Variants in ITSN1 observed in about 807,000 individuals in gnomAD.
ITSN1 encodes intersectin-1.
ITSN1 carries 58 observed loss-of-function variants against 239.8 expected under a neutral mutation model. The observed-to-expected ratio is 0.24, with a 90% CI of 0.20 to 0.30. The LOEUF (loss-of-function observed/expected upper bound fraction) is 0.30, where lower values mean the gene tolerates loss of function less well. ITSN1 is among the 10% of genes least tolerant of loss of function. ITSN1 has a pLI of 1.00. For missense variants in ITSN1, 1,558 were observed against 2,103.3 expected (o/e 0.74, Z 5.07); for synonymous variants, 780 against 770.8 (o/e 1.01, Z -0.20).
intron 1 of ITSN1, among the ~76,000 whole-genome samples, chr21:33,678,719 G>A (rs1399784213): frequency 1.3e-5 from 2 of 152,150 alleles, no homozygotes; most frequent in African/African-American, 4.8e-5. Flanking sequence ...TGTTGTTTTG[G>A]AGGGGTGGTG....
rs139276079 is a variant in ITSN1 at position 33,817,140 on chromosome 21, G to C, written c.2728-1127G>C. On this transcript the variant is annotated intron_variant, in intron 22 of 39. Transcript: ENST00000381318. ...CATTCATATATATGATTGAAAGTTGGTGTTTCATTTTTTACTAAATGCTTT... is the reference window on the plus strand; with the variant it reads ...CATTCATATATATGATTGAAAGTTGCTGTTTCATTTTTTACTAAATGCTTT... 1.9e-4 allele frequency: 222 copies of C among 1,196,834 alleles called. No individual in the cohort carries two copies. The African/African-American group carries it at 3.1e-3, about 17-fold the overall frequency. 74.1% of individuals were successfully genotyped at this position (1,196,834 alleles called of 1,614,324 possible).
In ITSN1 at chr21:33,883,568, G is replaced by T; in HGVS notation, c.4573G>T (p.Val1525Phe). The change falls in exon 36 of 40, where the codon GTT becomes TTT. Residue 1525 changes from valine (V) to phenylalanine (F), a missense_variant. Physicochemically the swap from Val to Phe is conservative, Grantham distance 50 (BLOSUM62 -1). This residue lies in a region of ITSN1 where 576 missense variants were observed against 893.3 expected (regional missense o/e 0.64). Coordinates refer to ENST00000381318, the MANE Select transcript of ITSN1 (RefSeq NM_003024.3). Reference sequence around the variant, plus strand: ...TTTCCAGCCTATTTTCCTAAATGAGGTTCTAGTAAAATTACCCACCGACCC... The same window carrying T: ...TTTCCAGCCTATTTTCCTAAATGAGTTTCTAGTAAAATTACCCACCGACCC... Reference protein sequence around the residue: ...MYKTPIFLNEVLVKLPTDPSG... With the variant: ...MYKTPIFLNEFLVKLPTDPSG... 1 of 1,613,632 alleles carries T rather than the reference G, an allele frequency of 6.2e-7. No individual in the cohort carries two copies. Among genetic ancestry groups the T allele is most frequent in the Non-Finnish European group, 8.5e-7 (1 of 1,179,688 alleles).
At chr21:33,798,768 C>A (rs1443853226) in intron 18 of ITSN1, among the ~76,000 whole-genome samples, 1 of 152,168 alleles carries the variant, frequency 6.6e-6, no homozygotes, top group Non-Finnish European at 1.5e-5. Context: ...TATGGAGTTG[C>A]ATTAGGCACC....
chr21:33,851,228 T>C (rs867914825), intron 29 of ITSN1, among the ~76,000 whole-genome samples: 5 of 152,106 alleles, frequency 3.3e-5, no homozygotes, highest in South Asian at 2.1e-4. Context: ...AGGCTTGCTC[T>C]TGCTGGTGCC....
At chr21:33,775,376 C>G (rs1282881652) in intron 14 of ITSN1, among the ~76,000 whole-genome samples, 2 of 152,118 alleles carry the variant, frequency 1.3e-5, no homozygotes, top group Non-Finnish European at 2.9e-5. Flanking sequence ...CTTCTGGGAG[C>G]TTACCCTCTG....
intron 14 of ITSN1, among the ~76,000 whole-genome samples, chr21:33,778,571 C>CTCTTTTTTTTT (rs1244255072): frequency 1.6e-5 from 1 of 63,942 alleles, no homozygotes; most frequent in African/African-American, 7.6e-5. Flanking sequence ...ATAATATTCT[C>CTCTTTTTTTTT]TTTTTTTTTT....
intron 25 of ITSN1, among the ~76,000 whole-genome samples, chr21:33,824,626 C>T (rs569180879): frequency 2.0e-5 from 3 of 152,308 alleles, no homozygotes; most frequent in Admixed American, 6.5e-5. Context: ...TGGGCTCTTA[C>T]ATGTGCGGCT....
chr21:33,851,138 C>T (rs373495917), intron 29 of ITSN1, among the ~76,000 whole-genome samples: 86 of 152,280 alleles, frequency 5.6e-4, no homozygotes, highest in African/African-American at 2.0e-3. Flanking sequence ...TCACAATCCC[C>T]GTCACCCTGT....
At chr21:33,782,484 T>C (rs1445107241) in intron 16 of ITSN1, among the ~76,000 whole-genome samples, 1 of 152,250 alleles carries the variant, frequency 6.6e-6, no homozygotes, top group African/African-American at 2.4e-5. Context: ...TAAGAATTTT[T>C]CTGCCACTTC....
intron 20 of ITSN1, among the ~76,000 whole-genome samples, chr21:33,808,546 G>GT (rs1271413068): frequency 6.6e-6 from 1 of 151,428 alleles, no homozygotes; most frequent in Non-Finnish European, 1.5e-5. Context: ...GATTGTGCCA[G>GT]TGTACTCTAG....
In ITSN1 at chr21:33,891,532, A is replaced by G. The variant is rs1216548837; in HGVS notation, c.*3232A>G. On this transcript the variant is annotated 3_prime_UTR_variant, in exon 40 of 40. Transcript: ENST00000381318. ...TCTCGGTGACCTGGTACCAAAGCCCAGGTGTCCTCCAGGGGAGTATTCTGG... is the reference window on the plus strand; with the variant it reads ...TCTCGGTGACCTGGTACCAAAGCCCGGGTGTCCTCCAGGGGAGTATTCTGG... 1 of 152,182 alleles carries G rather than the reference A, an allele frequency of 6.6e-6. No individual in the cohort carries two copies. Among genetic ancestry groups the G allele is most frequent in the Non-Finnish European group, 1.5e-5 (1 of 68,030 alleles). 9.4% of individuals were successfully genotyped at this position (152,182 alleles called of 1,614,324 possible). A position where few individuals can be genotyped will look rare whatever the true frequency, so the allele number is the denominator to read the frequency against.
intron 19 of ITSN1, among the ~76,000 whole-genome samples, chr21:33,801,603 G>T (rs1280331907): frequency 1.3e-5 from 2 of 152,062 alleles, no homozygotes; most frequent in African/African-American, 2.4e-5. Context: ...GCTCAGAGGC[G>T]TGTGCCACCA....
intron 5 of ITSN1, among the ~76,000 whole-genome samples, chr21:33,748,965 TAAAAAA>T (rs1321642930): frequency 1.4e-5 from 2 of 147,610 alleles, no homozygotes; most frequent in African/African-American, 5.0e-5. Context: ...GACAGAGAAA[TAAAAAA>T]GAAGGTAAGC....
At chr21:33,861,901 G>A (rs374898922) in intron 31 of ITSN1, among the ~76,000 whole-genome samples, 11 of 147,896 alleles carry the variant, frequency 7.4e-5, no homozygotes, top group African/African-American at 2.5e-4. Context: ...AGCTGAGATC[G>A]CACCACTGCA....
At chr21:33,881,627 C>A (rs548209773) in intron 34 of ITSN1, among the ~76,000 whole-genome samples, 3 of 152,028 alleles carry the variant, frequency 2.0e-5, no homozygotes, top group Non-Finnish European at 4.4e-5. Flanking sequence ...AGCAGGGAGT[C>A]CCCAAGGTGG....
intron 34 of ITSN1, among the ~76,000 whole-genome samples, chr21:33,875,744 C>T (rs1020271357): frequency 6.6e-6 from 1 of 152,100 alleles, no homozygotes; most frequent in African/African-American, 2.4e-5. Context: ...GCAGTGGCAC[C>T]ATCTCAGCTC....
At chr21:33,867,861 G>A (rs557913438) in intron 33 of ITSN1, among the ~76,000 whole-genome samples, 20 of 150,202 alleles carry the variant, frequency 1.3e-4, no homozygotes, top group South Asian at 4.3e-4. Context: ...GCAGACCTTC[G>A]CGGTGAGTGT....
chr21:33,706,670 A>G (rs2092258928), intron 1 of ITSN1, among the ~76,000 whole-genome samples: 1 of 152,174 alleles, frequency 6.6e-6, no homozygotes, highest in African/African-American at 2.4e-5. Context: ...TCACAATCTG[A>G]GATCTGCCAC....
chr21:33,829,217 AG>A, intron 26 of ITSN1: 1 of 356,612 alleles, frequency 2.8e-6, no homozygotes, highest in Non-Finnish European at 5.4e-6. Flanking sequence ...ACTTCAAAGT[AG>A]CACTTTAGCC....
Sources: gnomAD v4.1 joint callset for allele counts (sites outside exome capture counted in the v4.1 genomes callset) on GRCh38, gnomAD v4.1.1 for gene constraint, gnomAD v4.1.1 regional missense constraint, MANE v1.5 for transcripts, NCBI Gene and HGNC (gene_info 2026-07-23, HGNC 2026-07-21) for gene names.